Variants in PCDHGB2 observed in about 807,000 individuals in gnomAD.
PCDHGB2 encodes the protein protocadherin gamma-B2.
Under a neutral mutation model 59.3 loss-of-function variants are expected in PCDHGB2, and 55 were observed. That is an observed-to-expected ratio of 0.93 (90% confidence interval 0.75 to 1.16). PCDHGB2 has a LOEUF of 1.16. Ranked by LOEUF, PCDHGB2 falls within the 50% of genes most tolerant of loss-of-function variation. The pLI, the probability that PCDHGB2 is intolerant of heterozygous loss-of-function variation, is 0.00. For missense variants in PCDHGB2, 1,228 were observed against 1,198.5 expected (o/e 1.02, Z -0.36); for synonymous variants, 516 against 512.0 (o/e 1.01, Z -0.11).
At chr5:141,419,585 G>C (rs2096403161) in intron 1 of PCDHGB2, 8 of 1,611,776 alleles carry the variant, frequency 5.0e-6, no homozygotes, top group Non-Finnish European at 6.8e-6. Flanking sequence ...CGCGCTCTTC[G>C]ACACAGTGCC....
At chr5:141,421,679 C>T (rs1210753842) in intron 1 of PCDHGB2, 2 of 1,613,810 alleles carry the variant, frequency 1.2e-6, no homozygotes, top group Admixed American at 1.7e-5. Context: ...ATTCCTGGGG[C>T]GCGATTTGCT....
chr5:141,385,246 G>A (rs1285071081), intron 1 of PCDHGB2: 1 of 1,614,084 alleles, frequency 6.2e-7, no homozygotes, highest in Non-Finnish European at 8.5e-7. Context: ...CATCAGCCAG[G>A]AGAGCTGTGA....
At chr5:141,364,226 C>T in intron 1 of PCDHGB2, 5 of 1,375,088 alleles carry the variant, frequency 3.6e-6, no homozygotes, top group Non-Finnish European at 4.9e-6. Context: ...AAAGCCAACG[C>T]TCCACGCCCA....
rs1591094034 is a variant in PCDHGB2 at position 141,431,659 on chromosome 5, A to T, written c.2422-63148A>T. 3.7e-6 allele frequency: 6 copies of T among 1,614,246 alleles called. No individual in the cohort carries two copies. The highest frequency in any genetic ancestry group is 3.4e-6 in the Non-Finnish European group (4 of 1,180,036). On this transcript the variant is annotated intron_variant, in intron 1 of 3. Coordinates refer to ENST00000522605, the MANE Select transcript of PCDHGB2 (RefSeq NM_018923.3). This position sits in a 1 kb window ranked among gnomAD's most constrained non-coding sequence, Gnocchi z 4.8. ...TCAAACTAGATTGTAATTCAGGGAC[A>T]ATATCAACAATAGGGGAGTTGGACC...
At chr5:141,465,945 AC>A (rs761290693) in intron 1 of PCDHGB2, among the ~76,000 whole-genome samples, 7 of 151,958 alleles carry the variant, frequency 4.6e-5, no homozygotes, top group Non-Finnish European at 5.9e-5. Context: ...ACATGGTGAA[AC>A]CCCATCTCTA....
At position 141,404,170 on chromosome 5, in the gene PCDHGB2, G is replaced by A. The variant is rs73279089; in HGVS notation, c.2421+41614G>A. 22 of 1,612,630 alleles carry A rather than the reference G, an allele frequency of 1.4e-5. No individual in the cohort carries two copies. In the East Asian group the frequency reaches 1.8e-4, roughly 13 times the overall value. On this transcript the variant is annotated intron_variant, in intron 1 of 3. Coordinates refer to ENST00000522605, the MANE Select transcript of PCDHGB2 (RefSeq NM_018923.3). ...AAGAAGATTATTACAGATTGTTGACGGCCCAAATTCTTGACCGAGAAAAAG... is the reference window on the plus strand; with the variant it reads ...AAGAAGATTATTACAGATTGTTGACAGCCCAAATTCTTGACCGAGAAAAAG...
intron 1 of PCDHGB2, chr5:141,375,325 G>T: frequency 6.2e-7 from 1 of 1,613,768 alleles, no homozygotes; most frequent in Non-Finnish European, 8.5e-7. Context: ...ACCGGGAAGA[G>T]GTATTCTTGT....
intron 1 of PCDHGB2, chr5:141,392,918 G>T (rs1177755274): frequency 1.2e-6 from 2 of 1,613,794 alleles, no homozygotes; most frequent in African/African-American, 2.7e-5. Flanking sequence ...GCTACTCTGT[G>T]CCAGAAGAGA....
chr5:141,379,154 T>A (rs1446393150), intron 1 of PCDHGB2: 4 of 152,232 alleles, frequency 2.6e-5, no homozygotes, highest in Non-Finnish European at 5.9e-5. Context: ...GTAACCTGAC[T>A]TTGTCAGTCT....
Position 141,489,195 on chromosome 5 carries a change from A to G in PCDHGB2, c.2422-5612A>G, listed in dbSNP as rs200660227. ...ATTCCAAGCCCTGGGTCTACCTTGG[A>G]GACAGGACAGCACAGACTTACTCTC... is the stretch of plus-strand genomic sequence containing the variant. On this transcript the variant is annotated intron_variant, in intron 1 of 3. Transcript: ENST00000522605. This position sits in a 1 kb window ranked among gnomAD's most constrained non-coding sequence, Gnocchi z 4.5. 1.8e-5 allele frequency: 25 copies of G among 1,383,116 alleles called. No individual in the cohort carries two copies. The East Asian group carries it at 4.8e-4, about 27-fold the overall frequency. 85.7% of individuals were successfully genotyped at this position (1,383,116 alleles called of 1,614,324 possible). A position where few individuals can be genotyped will look rare whatever the true frequency, so the allele number is the denominator to read the frequency against.
Position 141,489,084 on chromosome 5 carries a change from C to CCG in PCDHGB2, c.2422-5723_2422-5722insCG. On this transcript the variant is annotated intron_variant, in intron 1 of 3. Coordinates refer to ENST00000522605, the MANE Select transcript of PCDHGB2 (RefSeq NM_018923.3). The surrounding 1 kb of genome is among the most constrained non-coding windows in gnomAD (Gnocchi z 4.5). ...CTCCCCCCTGCCCACCCCCGCCACT[C>CCG]GGTGACTAAGAACTGCTGCAAGCAG... 9.1e-6 allele frequency: 3 copies of CCG among 329,130 alleles called. No individual in the cohort carries two copies. The highest frequency in any genetic ancestry group is 5.4e-6 in the Non-Finnish European group (1 of 186,464). The allele number at this position is 329,130 out of a possible 1,614,324, so 20.4% of individuals were successfully genotyped here. A position where few individuals can be genotyped will look rare whatever the true frequency, so the allele number is the denominator to read the frequency against.
At chr5:141,450,599 G>T (rs569531886) in intron 1 of PCDHGB2, among the ~76,000 whole-genome samples, 11 of 150,286 alleles carry the variant, frequency 7.3e-5, no homozygotes, top group African/African-American at 2.7e-4. Flanking sequence ...CAATTCTCCT[G>T]CCTCAGCCTC....
intron 1 of PCDHGB2, chr5:141,413,078 C>T: frequency 7.7e-7 from 1 of 1,301,152 alleles, no homozygotes; most frequent in Non-Finnish European, 1.1e-6. Flanking sequence ...AGTGCCCAGG[C>T]TACAGAGACA....
intron 1 of PCDHGB2, among the ~76,000 whole-genome samples, chr5:141,434,054 C>T (rs1241950753): frequency 6.6e-6 from 1 of 152,094 alleles, no homozygotes; most frequent in Non-Finnish European, 1.5e-5. Flanking sequence ...ATTCAATGGC[C>T]TGTAATCTGT....
At chr5:141,470,983 C>G (rs1486663328) in intron 1 of PCDHGB2, among the ~76,000 whole-genome samples, 2 of 151,528 alleles carry the variant, frequency 1.3e-5, no homozygotes, top group African/African-American at 4.9e-5. Context: ...TCCCAAAGTG[C>G]TGGGACTACA....
Position 141,485,422 on chromosome 5 carries a change from C to G in PCDHGB2, c.2422-9385C>G, listed in dbSNP as rs775279056. 6.2e-7 allele frequency: 1 copy of G among 1,614,130 alleles called. No homozygotes were observed. Among genetic ancestry groups the G allele is most frequent in the East Asian group, 2.2e-5 (1 of 44,872 alleles). ...TCCGTGTGGATTTGGACAGCGGAGC[C>G]CTGCTCATCAAGAACCCAATCGACC... On this transcript the variant is annotated intron_variant, in intron 1 of 3. Transcript: ENST00000522605. The surrounding 1 kb of genome is among the most constrained non-coding windows in gnomAD (Gnocchi z 5.7).
At chr5:141,484,795 C>G (rs1265916821) in intron 1 of PCDHGB2, among the ~76,000 whole-genome samples, 1 of 151,902 alleles carries the variant, frequency 6.6e-6, no homozygotes, top group Middle Eastern at 3.4e-3. Flanking sequence ...AGATAACAAC[C>G]CGTGGAAAAA....
Position 141,364,692 on chromosome 5 carries a change from T to G in PCDHGB2, c.2421+2136T>G, listed in dbSNP as rs1763485100. On this transcript the variant is annotated intron_variant, in intron 1 of 3. Transcript: ENST00000522605. ...AAAATGAAAATTTATGGAGTAGAAGTAGAAATAATCGATATTAATGATAAC... is the reference window on the plus strand; with the variant it reads ...AAAATGAAAATTTATGGAGTAGAAGGAGAAATAATCGATATTAATGATAAC... The G allele has an allele frequency of 2.5e-6, 4 of 1,613,922 alleles. No individual in the cohort carries two copies. In the East Asian group the frequency reaches 8.9e-5, roughly 36 times the overall value.
rs1373678836 is a variant in PCDHGB2, at chr5:141,477,459, C to T, written c.2422-17348C>T. 6.2e-7 allele frequency: 1 copy of T among 1,614,186 alleles called. No homozygotes were observed. The highest frequency in any genetic ancestry group is 8.5e-7 in the Non-Finnish European group (1 of 1,180,034). On this transcript the variant is annotated intron_variant, in intron 1 of 3. Coordinates refer to ENST00000522605, the MANE Select transcript of PCDHGB2 (RefSeq NM_018923.3). This position sits in a 1 kb window ranked among gnomAD's most constrained non-coding sequence, Gnocchi z 4.9. ...CTTACAATAGTGCGTGTTCAAGTGTCCGACATCAATGACAACCCTCCACAA... is the reference window on the plus strand; with the variant it reads ...CTTACAATAGTGCGTGTTCAAGTGTTCGACATCAATGACAACCCTCCACAA...
Sources: allele counts gnomAD v4.1 joint callset (sites outside exome capture counted in the v4.1 genomes callset), GRCh38; gene constraint gnomAD v4.1.1; non-coding constraint Gnocchi (gnomAD v3.1); transcripts MANE v1.5; gene names NCBI Gene and HGNC (gene_info 2026-07-23, HGNC 2026-07-21).